KCNMB2: variants seen among roughly 807,000 people sequenced by gnomAD.
The protein encoded by KCNMB2 is potassium calcium-activated channel subfamily M regulatory beta subunit 2.
A neutral mutation model predicts 24.5 loss-of-function variants in KCNMB2; 9 were observed. The ratio of observed to expected loss-of-function variants is 0.37; its 90% CI spans 0.22 to 0.64. KCNMB2 has a LOEUF of 0.64. Among genes scored for constraint, KCNMB2 ranks in the 30% least tolerant of loss-of-function variants. KCNMB2 has a pLI of 0.63. For synonymous variants in KCNMB2, 109 were observed against 104.4 expected (o/e 1.04, Z -0.27); for missense variants, 226 against 284.3 (o/e 0.79, Z 1.47).
At chr3:178,689,573 T>A (rs1721595788) in intron 1 of KCNMB2, among the ~76,000 whole-genome samples, 1 of 152,078 alleles carries the variant, frequency 6.6e-6, no homozygotes, top group African/African-American at 2.4e-5. Flanking sequence ...GAGGAGGAGC[T>A]TGTAGTGAGC....
intron 1 of KCNMB2, among the ~76,000 whole-genome samples, chr3:178,798,479 G>A (rs897970156): frequency 1.3e-5 from 2 of 152,088 alleles, no homozygotes; most frequent in Non-Finnish European, 2.9e-5. Flanking sequence ...CAACCCAAAT[G>A]CCCATCAATG....
intron 1 of KCNMB2, among the ~76,000 whole-genome samples, chr3:178,681,576 T>A (rs1007635911): frequency 2.0e-4 from 31 of 152,210 alleles, no homozygotes; most frequent in African/African-American, 7.2e-4. Flanking sequence ...GATAATGTTA[T>A]GTCAAGTTTA....
At chr3:178,540,367 C>G (rs1715575822) in intron 1 of KCNMB2, among the ~76,000 whole-genome samples, 1 of 152,202 alleles carries the variant, frequency 6.6e-6, no homozygotes. Context: ...CTCCCTTCTC[C>G]CACCCACACG....
At chr3:178,618,891 T>C (rs1437823461) in intron 1 of KCNMB2, among the ~76,000 whole-genome samples, 1 of 152,220 alleles carries the variant, frequency 6.6e-6, no homozygotes, top group Non-Finnish European at 1.5e-5. Flanking sequence ...TTTCCTTTAG[T>C]CCTTAGGTAA....
chr3:178,764,635 C>T (rs1712043275), intron 1 of KCNMB2, among the ~76,000 whole-genome samples: 1 of 152,182 alleles, frequency 6.6e-6, no homozygotes, highest in Non-Finnish European at 1.5e-5. Context: ...CATGTGTGTA[C>T]TTCCTTGAGT....
intron 1 of KCNMB2, among the ~76,000 whole-genome samples, chr3:178,633,323 C>T (rs1460557874): frequency 6.6e-6 from 1 of 152,224 alleles, no homozygotes; most frequent in Non-Finnish European, 1.5e-5. Flanking sequence ...CACGGAGGTT[C>T]TCCATGAGGG....
chr3:178,556,757 T>C (rs771727149), intron 1 of KCNMB2, among the ~76,000 whole-genome samples: 7 of 152,162 alleles, frequency 4.6e-5, no homozygotes, highest in Non-Finnish European at 8.8e-5. Context: ...ACCAGGAGAA[T>C]GCAGAATCAC....
intron 1 of KCNMB2, among the ~76,000 whole-genome samples, chr3:178,673,914 T>G (rs992565188): frequency 1.3e-5 from 2 of 152,188 alleles, no homozygotes; most frequent in East Asian, 1.9e-4. Flanking sequence ...TCAATTAGAC[T>G]TTTGCCCACA....
chr3:178,832,222 C>T (rs1431147376), intron 4 of KCNMB2, among the ~76,000 whole-genome samples: 2 of 152,068 alleles, frequency 1.3e-5, no homozygotes. Flanking sequence ...TCTGGAAGGA[C>T]ACATTCACTG....
At chr3:178,720,603 TAA>T (rs1279399884) in intron 1 of KCNMB2, among the ~76,000 whole-genome samples, 2 of 128,674 alleles carry the variant, frequency 1.6e-5, no homozygotes, top group African/African-American at 6.4e-5. Context: ...ACCAACAGTG[TAA>T]AAGTGTTCCT....
chr3:178,792,849 A>C (rs139426493), intron 1 of KCNMB2, among the ~76,000 whole-genome samples: 122 of 152,362 alleles, frequency 8.0e-4, no homozygotes, highest in African/African-American at 2.8e-3. Flanking sequence ...TGTCACTGCC[A>C]AGCCTGCAGC....
intron 1 of KCNMB2, among the ~76,000 whole-genome samples, chr3:178,665,429 T>C (rs1720684225): frequency 6.6e-6 from 1 of 152,188 alleles, no homozygotes; most frequent in Admixed American, 6.6e-5. Flanking sequence ...AAACTGTTTT[T>C]TTTAAAGGTT....
At chr3:178,668,214 G>C (rs1418605221) in intron 1 of KCNMB2, among the ~76,000 whole-genome samples, 2 of 152,098 alleles carry the variant, frequency 1.3e-5, no homozygotes, top group Non-Finnish European at 2.9e-5. Flanking sequence ...GAGGAAGTGG[G>C]GTTATGTCAA....
chr3:178,690,424 T>C (rs1339286908), intron 1 of KCNMB2, among the ~76,000 whole-genome samples: 2 of 151,954 alleles, frequency 1.3e-5, no homozygotes, highest in East Asian at 3.9e-4. Flanking sequence ...GAACTGCTGA[T>C]TTAGGAGAGA....
intron 1 of KCNMB2, among the ~76,000 whole-genome samples, chr3:178,538,561 A>C (rs919833410): frequency 1.9e-4 from 29 of 152,234 alleles, no homozygotes; most frequent in African/African-American, 7.0e-4. Context: ...ATCTAATTGC[A>C]TCAAGTATTT....
chr3:178,596,935 G>C (rs1717899671), intron 1 of KCNMB2, among the ~76,000 whole-genome samples: 1 of 152,084 alleles, frequency 6.6e-6, no homozygotes, highest in Admixed American at 6.6e-5. Flanking sequence ...TCCATTGTCT[G>C]CTTCATATTT....
intron 1 of KCNMB2, among the ~76,000 whole-genome samples, chr3:178,695,504 T>C (rs142686849): frequency 6.6e-6 from 1 of 152,326 alleles, no homozygotes; most frequent in East Asian, 1.9e-4. Context: ...CTATCAACTC[T>C]TGAATGTCTT....
At chr3:178,735,125 A>G (rs2108371235) in intron 1 of KCNMB2, among the ~76,000 whole-genome samples, 1 of 152,348 alleles carries the variant, frequency 6.6e-6, no homozygotes, top group African/African-American at 2.4e-5. Flanking sequence ...CTGTCTGTAA[A>G]CAAACCCAAG....
At chr3:178,633,968 C>A (rs1719422351) in intron 1 of KCNMB2, among the ~76,000 whole-genome samples, 1 of 152,328 alleles carries the variant, frequency 6.6e-6, no homozygotes, top group South Asian at 2.1e-4. Context: ...TCTTTGCATA[C>A]AAGAGTGACC....
Sources: gnomAD v4.1 joint callset for allele counts (sites outside exome capture counted in the v4.1 genomes callset) on GRCh38, gnomAD v4.1.1 for gene constraint, MANE v1.5 for transcripts, NCBI Gene and HGNC (gene_info 2026-07-23, HGNC 2026-07-21) for gene names.